Variants in OXR1 observed in about 807,000 individuals in gnomAD.
OXR1 encodes the protein oxidation resistance 1.
In OXR1, 41 loss-of-function variants were observed where a neutral mutation model predicts 104.6. The observed-to-expected ratio is 0.39, with a 90% CI of 0.31 to 0.51. The LOEUF (loss-of-function observed/expected upper bound fraction) is 0.51. Ranked by LOEUF, OXR1 falls within the 20% of genes least tolerant of loss-of-function variation. The pLI is 0.77. For synonymous variants in OXR1, 348 were observed against 348.4 expected (o/e 1.00, Z 0.01); for missense variants, 955 against 1,031.9 (o/e 0.93, Z 1.02).
intron 1 of OXR1, among the ~76,000 whole-genome samples, chr8:106,337,435 CA>C (rs1264201640): frequency 6.6e-6 from 1 of 152,162 alleles, no homozygotes; most frequent in Non-Finnish European, 1.5e-5. Context: ...TGATCTAATT[CA>C]ACTTCCTTGT....
intron 3 of OXR1, among the ~76,000 whole-genome samples, chr8:106,671,377 T>C (rs1476289651): frequency 6.6e-6 from 1 of 152,144 alleles, no homozygotes; most frequent in Non-Finnish European, 1.5e-5. Context: ...ACCTTGACTA[T>C]CTTAAAAATA....
intron 2 of OXR1, among the ~76,000 whole-genome samples, chr8:106,481,736 T>G (rs1228634629): frequency 6.6e-6 from 1 of 152,060 alleles, no homozygotes; most frequent in African/African-American, 2.4e-5. Flanking sequence ...TTGAAAACAA[T>G]GCTAAAACAT....
rs1284246721 is a variant in OXR1, at chr8:106,751,047, TA to T, written c.*110del. The T allele has an allele frequency of 2.5e-6, 2 of 801,264 alleles. No individual in the cohort carries two copies. Among genetic ancestry groups the T allele is most frequent in the Non-Finnish European group, 3.9e-6 (2 of 510,790 alleles). 49.6% of individuals were successfully genotyped at this position (801,264 alleles called of 1,614,324 possible). A position where few individuals can be genotyped will look rare whatever the true frequency, so the allele number is the denominator to read the frequency against. ...ACAGTGTAACATGTCACTTGTGCTT[TA>T]AAATTAGTCTGTATCACCATTTATT... On this transcript the variant is annotated 3_prime_UTR_variant, in exon 17 of 17. Transcript: ENST00000517566.
chr8:106,651,056 G>A (rs1331226387), intron 3 of OXR1, among the ~76,000 whole-genome samples: 1 of 152,178 alleles, frequency 6.6e-6, no homozygotes, highest in South Asian at 2.1e-4. Context: ...TGAGGACACT[G>A]AGTCAAAAGG....
intron 3 of OXR1, among the ~76,000 whole-genome samples, chr8:106,672,285 C>G (rs754091227): frequency 2.7e-5 from 4 of 149,850 alleles, no homozygotes; most frequent in Non-Finnish European, 4.4e-5. Flanking sequence ...TGAGACCAGC[C>G]TGACCAATAT....
At chr8:106,483,252 A>T (rs1207248262) in intron 2 of OXR1, among the ~76,000 whole-genome samples, 1 of 152,082 alleles carries the variant, frequency 6.6e-6, no homozygotes, top group East Asian at 1.9e-4. Flanking sequence ...TAGCAATGAA[A>T]AGACAAAATG....
At chr8:106,345,779 T>A (rs146314638) in intron 1 of OXR1, among the ~76,000 whole-genome samples, 1 of 152,228 alleles carries the variant, frequency 6.6e-6, no homozygotes, top group Non-Finnish European at 1.5e-5. Flanking sequence ...TTAAAATATA[T>A]TATGATTATT....
chr8:106,466,085 T>C (rs553697817), intron 2 of OXR1, among the ~76,000 whole-genome samples: 1 of 152,098 alleles, frequency 6.6e-6, no homozygotes, highest in South Asian at 2.1e-4. Flanking sequence ...TCCACATATT[T>C]TGTGCTTGAT....
intron 3 of OXR1, among the ~76,000 whole-genome samples, chr8:106,588,493 A>AC (rs1376853365): frequency 1.6e-5 from 2 of 128,556 alleles, no homozygotes; most frequent in Admixed American, 7.4e-5. Context: ...TTTCTCATTT[A>AC]CTTTTTTTTT....
intron 11 of OXR1, chr8:106,725,997 C>G: frequency 2.2e-6 from 1 of 456,112 alleles, no homozygotes; most frequent in Non-Finnish European, 3.7e-6. Flanking sequence ...ACAGTGCAAC[C>G]AAACTTAAGC....
At chr8:106,367,064 C>CT (rs10706704) in intron 2 of OXR1, among the ~76,000 whole-genome samples, 90 of 108,178 alleles carry the variant, frequency 8.3e-4, no homozygotes, top group African/African-American at 2.9e-3. Context: ...TTATGTTTCC[C>CT]TTTTTTTTTT....
chr8:106,365,942 T>G (rs937285478), intron 2 of OXR1, among the ~76,000 whole-genome samples: 3 of 152,196 alleles, frequency 2.0e-5, no homozygotes, highest in Non-Finnish European at 2.9e-5. Flanking sequence ...TTCCTGTGCA[T>G]TTAATGAGCC....
chr8:106,621,091 T>C (rs1821660612), intron 3 of OXR1, among the ~76,000 whole-genome samples: 1 of 152,212 alleles, frequency 6.6e-6, no homozygotes, highest in Non-Finnish European at 1.5e-5. Flanking sequence ...GATTATTTCT[T>C]GCATATCAGA....
At chr8:106,747,372 A>T (rs572870545) in intron 16 of OXR1, among the ~76,000 whole-genome samples, 28 of 152,326 alleles carry the variant, frequency 1.8e-4, no homozygotes, top group African/African-American at 6.3e-4. Context: ...ATAGCCACCT[A>T]AACTGATAGC....
chr8:106,699,968 A>T (rs182648499), intron 7 of OXR1, among the ~76,000 whole-genome samples: 1 of 152,310 alleles, frequency 6.6e-6, no homozygotes, highest in Non-Finnish European at 1.5e-5. Flanking sequence ...ATTCCCAATT[A>T]TAATGATTTT....
chr8:106,607,617 T>C (rs966578642), intron 3 of OXR1, among the ~76,000 whole-genome samples: 3 of 152,188 alleles, frequency 2.0e-5, no homozygotes, highest in African/African-American at 7.2e-5. Context: ...AATCGATCCT[T>C]CTGCCTTAAA....
chr8:106,276,471 T>C (rs1812040825), intron 1 of OXR1, among the ~76,000 whole-genome samples: 1 of 152,196 alleles, frequency 6.6e-6, no homozygotes, highest in African/African-American at 2.4e-5. Context: ...CTGGCACTCC[T>C]GCTTAGTAGT....
intron 3 of OXR1, among the ~76,000 whole-genome samples, chr8:106,672,720 G>A (rs185505965): frequency 3.9e-5 from 6 of 152,086 alleles, no homozygotes; most frequent in Non-Finnish European, 7.4e-5. Flanking sequence ...CAGGTGGAGG[G>A]AATTGGATCA....
intron 3 of OXR1, among the ~76,000 whole-genome samples, chr8:106,612,200 CT>C (rs1820868202): frequency 6.6e-6 from 1 of 151,496 alleles, no homozygotes; most frequent in Non-Finnish European, 1.5e-5. Context: ...GATAGGAATA[CT>C]TTTTAAAATT....
Sources: gnomAD v4.1 joint callset for allele counts (sites outside exome capture counted in the v4.1 genomes callset) on GRCh38, gnomAD v4.1.1 for gene constraint, MANE v1.5 for transcripts, NCBI Gene and HGNC (gene_info 2026-07-23, HGNC 2026-07-21) for gene names.